The following USP24 variants were observed in gnomAD, a reference collection of about 807,000 sequenced individuals.
USP24 encodes ubiquitin specific peptidase 24.
Under a neutral mutation model 361.6 loss-of-function variants are expected in USP24, and 97 were observed. That is an observed-to-expected ratio of 0.27 (90% CI 0.23 to 0.32). USP24 has a LOEUF of 0.32. USP24 is among the 10% of genes least tolerant of loss of function. The probability of loss-of-function intolerance (pLI) is 1.00; values close to 1 mark genes in which losing one functional copy is unlikely to be tolerated. For missense variants in USP24, 2,353 were observed against 3,165.6 expected (o/e 0.74, Z 6.16); for synonymous variants, 1,098 against 1,124.6 (o/e 0.98, Z 0.47).
rs1232259448 is a variant in USP24, at chr1:55,167,690, G to A, written c.826-1087C>T. ...GTGGAGAAGGATGGCAGCAGAAGGC[G>A]CCGAGAGAGGTCAAATGGAGACATA... is the stretch of plus-strand genomic sequence containing the variant. On this transcript the variant is annotated intron_variant, in intron 5 of 67. Transcript: ENST00000294383. 3.3e-5 allele frequency among the ~76,000 whole-genome samples: 5 copies of A among 152,224 alleles called. No individual in the cohort carries two copies. The East Asian group carries it at 7.7e-4, about 24-fold the overall frequency.
chr1:55,201,600 CAAAAAAAAAAAA>C (rs56659823), intron 1 of USP24, among the ~76,000 whole-genome samples: 13 of 35,458 alleles, frequency 3.7e-4, no homozygotes, highest in African/African-American at 1.6e-3. Flanking sequence ...GACTCCATCT[CAAAAAAAAAAAA>C]AAAAAAAAAA....
chr1:55,148,367 AAG>A, intron 17 of USP24, 94 bp downstream of exon 17: 1 of 819,054 alleles, frequency 1.2e-6, no homozygotes, highest in Non-Finnish European at 1.9e-6. Context: ...AATAAACATA[AAG>A]ATAGTGACTA....
At chr1:55,167,300 G>A (rs1415590954) in intron 5 of USP24, among the ~76,000 whole-genome samples, 3 of 152,148 alleles carry the variant, frequency 2.0e-5, no homozygotes, top group African/African-American at 7.2e-5. Flanking sequence ...TAAAGGACAA[G>A]ACAGATGTAG....
intron 61 of USP24, among the ~76,000 whole-genome samples, chr1:55,077,503 CT>C (rs1406759263): frequency 6.6e-6 from 1 of 152,118 alleles, no homozygotes; most frequent in Non-Finnish European, 1.5e-5. Context: ...CTGCAACACT[CT>C]GATACTTTAC....
rs186774823 is a variant in USP24, at chr1:55,103,461, C to T, written c.5025+415G>A. 7.9e-5 allele frequency among the ~76,000 whole-genome samples: 12 copies of T among 152,294 alleles called. No individual in the cohort carries two copies. In the East Asian group the frequency reaches 2.1e-3, roughly 27 times the overall value. ...TATTTTCATTTTTGACCTCCAAAAG[C>T]CTAATATGCCTTTTAGCACATACTA... On this transcript the variant is annotated intron_variant, in intron 42 of 67. Coordinates refer to ENST00000294383, the MANE Select transcript of USP24 (RefSeq NM_015306.3).
intron 54 of USP24, among the ~76,000 whole-genome samples, chr1:55,090,941 C>T (rs998155638): frequency 4.6e-5 from 7 of 152,082 alleles, no homozygotes; most frequent in Non-Finnish European, 8.8e-5. Flanking sequence ...AAAAATTTGC[C>T]GGGTGTGGTG....
At chr1:55,137,936 A>AATTCATTT (rs1557619499) in intron 26 of USP24, 32 bp from the exon 27 acceptor site, 7 of 1,541,838 alleles carry the variant, frequency 4.5e-6, no homozygotes, top group Middle Eastern at 4.4e-4. Context: ...GTTGTGAGAG[A>AATTCATTT]ATTCATTTAT....
At chr1:55,142,540 G>C (rs1433132479) in intron 23 of USP24, among the ~76,000 whole-genome samples, 1 of 152,140 alleles carries the variant, frequency 6.6e-6, no homozygotes, top group African/African-American at 2.4e-5. Flanking sequence ...GACAGGTGGT[G>C]AGAGGGAGAA....
intron 1 of USP24, among the ~76,000 whole-genome samples, chr1:55,208,955 A>G (rs1644781799): frequency 6.6e-6 from 1 of 152,096 alleles, no homozygotes; most frequent in African/African-American, 2.4e-5. Context: ...AAACAAAACA[A>G]AAAAAACCCA....
At chr1:55,107,187 A>G in intron 40 of USP24, 52 bp downstream of exon 40, 1 of 1,566,012 alleles carries the variant, frequency 6.4e-7, no homozygotes, top group Non-Finnish European at 8.7e-7. Context: ...CAGTACTGGC[A>G]ATAACCGAGC....
chr1:55,213,310 A>G (rs1644893311), intron 1 of USP24, among the ~76,000 whole-genome samples: 1 of 152,246 alleles, frequency 6.6e-6, no homozygotes, highest in Admixed American at 6.5e-5. Flanking sequence ...TTATTTCCAT[A>G]TACTAGTCAA....
At chr1:55,075,435 G>A (rs1457042286) in intron 63 of USP24, 22 bp downstream of exon 63, 1 of 1,584,358 alleles carries the variant, frequency 6.3e-7, no homozygotes, top group African/African-American at 1.3e-5. Context: ...AGACATTTGT[G>A]CATAAGACCA....
At chr1:55,159,069 G>A in intron 9 of USP24, 33 bp from the exon 10 acceptor site, 1 of 1,417,096 alleles carries the variant, frequency 7.1e-7, no homozygotes, top group Non-Finnish European at 9.3e-7. Context: ...AAACAAAAAA[G>A]GAACTGTAAA....
intron 3 of USP24, among the ~76,000 whole-genome samples, chr1:55,173,784 T>C (rs988980735): frequency 1.2e-4 from 18 of 152,214 alleles, no homozygotes; most frequent in Non-Finnish European, 5.9e-5. Context: ...TACTATTTTT[T>C]GCAGAATTTT....
chr1:55,105,873 C>G (rs1645756907), intron 41 of USP24, among the ~76,000 whole-genome samples: 1 of 150,716 alleles, frequency 6.6e-6, no homozygotes, highest in Non-Finnish European at 1.5e-5. Context: ...ACCTTCGTTT[C>G]TCTTGGCATT....
rs78703006 is a variant in USP24, at chr1:55,123,371, A to G, written c.4276+76T>C. On this transcript the variant is annotated intron_variant, in intron 36 of 67. Coordinates refer to ENST00000294383, the MANE Select transcript of USP24 (RefSeq NM_015306.3). ...TTGACCAATGGGACCTTATCTAGGAAGAAATGTAAAGAATTCCCAACAGAA... is the reference window on the plus strand; with the variant it reads ...TTGACCAATGGGACCTTATCTAGGAGGAAATGTAAAGAATTCCCAACAGAA... 165 of 1,408,036 alleles carry G rather than the reference A, an allele frequency of 1.2e-4. No homozygotes were observed. In the East Asian group the frequency reaches 4.3e-3, roughly 37 times the overall value. The allele number at this position is 1,408,036 out of a possible 1,614,324, so 87.2% of individuals were successfully genotyped here. A position where few individuals can be genotyped will look rare whatever the true frequency, so the allele number is the denominator to read the frequency against.
At chr1:55,210,605 G>T (rs1644825229) in intron 1 of USP24, among the ~76,000 whole-genome samples, 1 of 152,032 alleles carries the variant, frequency 6.6e-6, no homozygotes, top group South Asian at 2.1e-4. Context: ...TACCAAAGGG[G>T]AACAAGAGAA....
At chr1:55,110,446 G>C (rs1311823685) in intron 38 of USP24, among the ~76,000 whole-genome samples, 200 bp from the exon 39 acceptor site, 1 of 152,122 alleles carries the variant, frequency 6.6e-6, no homozygotes, top group Non-Finnish European at 1.5e-5. Context: ...AGAAATAACG[G>C]TGTAAAGAGA....
At chr1:55,185,494 T>C (rs1217469772) in intron 1 of USP24, among the ~76,000 whole-genome samples, 1 of 151,800 alleles carries the variant, frequency 6.6e-6, no homozygotes, top group African/African-American at 2.4e-5. Flanking sequence ...TCAACTAGAC[T>C]GACAAAGAGA....
Sources: gnomAD v4.1 joint callset for allele counts (sites outside exome capture counted in the v4.1 genomes callset) on GRCh38, gnomAD v4.1.1 for gene constraint, MANE v1.5 for transcripts, NCBI Gene and HGNC (gene_info 2026-07-23, HGNC 2026-07-21) for gene names.